The following MRPL48 variants were observed in gnomAD, a reference collection of about 807,000 sequenced individuals.
MRPL48 encodes the protein mitochondrial ribosomal protein L48, also known as large ribosomal subunit protein mL48.
A neutral mutation model predicts 32.9 loss-of-function variants in MRPL48; 16 were observed. The observed-to-expected ratio is 0.49, with a 90% CI of 0.33 to 0.74. The LOEUF (loss-of-function observed/expected upper bound fraction) is 0.74. Ranked by LOEUF, MRPL48 falls within the 30% of genes least tolerant of loss-of-function variation. The pLI, the probability that MRPL48 is intolerant of heterozygous loss-of-function variation, is 0.02. For missense variants in MRPL48, 206 were observed against 245.3 expected, an observed-to-expected ratio of 0.84 and a Z score of 1.07; for synonymous variants, 94 against 89.2, an observed-to-expected ratio of 1.05 and a Z score of -0.31.
At chr11:73,858,877 T>C (rs1195116692) in intron 5 of MRPL48, among the ~76,000 whole-genome samples, 1 of 152,200 alleles carries the variant, frequency 6.6e-6, no homozygotes, top group Non-Finnish European at 1.5e-5. Flanking sequence ...TAAGTAAATA[T>C]TGCTAATAAG....
At chr11:73,807,019 AC>A (rs1245113945) in intron 2 of MRPL48, among the ~76,000 whole-genome samples, 2 of 151,910 alleles carry the variant, frequency 1.3e-5, no homozygotes, top group Non-Finnish European at 2.9e-5. Context: ...ACAGGCGCCC[AC>A]CACCATGTCT....
intron 5 of MRPL48, among the ~76,000 whole-genome samples, chr11:73,849,975 C>A (rs1948360640): frequency 6.6e-6 from 1 of 152,052 alleles, no homozygotes; most frequent in African/African-American, 2.4e-5. Flanking sequence ...TGGCGTGCGC[C>A]TGTAGTCCCT....
intron 3 of MRPL48, among the ~76,000 whole-genome samples, chr11:73,810,511 A>C (rs1947545933): frequency 1.3e-5 from 2 of 152,054 alleles, no homozygotes. Flanking sequence ...ACAAGAGCGA[A>C]ACTCTGACTC....
intron 4 of MRPL48, among the ~76,000 whole-genome samples, chr11:73,843,537 T>C (rs1207233384): frequency 1.3e-5 from 2 of 152,202 alleles, no homozygotes; most frequent in African/African-American, 4.8e-5. Flanking sequence ...ATTTTAACTT[T>C]TTACAGCAGC....
intron 3 of MRPL48, among the ~76,000 whole-genome samples, chr11:73,809,454 A>C (rs1947528837): frequency 6.6e-6 from 1 of 151,282 alleles, no homozygotes; most frequent in Non-Finnish European, 1.5e-5. Context: ...CAGTAAGCCG[A>C]GATCATACCA....
At chr11:73,788,087 C>T in intron 1 of MRPL48, 95 bp downstream of exon 1, 1 of 1,311,636 alleles carries the variant, frequency 7.6e-7, no homozygotes, top group South Asian at 1.3e-5. Flanking sequence ...GGTGGCGGCG[C>T]GCGGACATCC....
At chr11:73,864,266 T>C in intron 7 of MRPL48, 30 bp from the exon 8 acceptor site, 1 of 1,603,214 alleles carries the variant, frequency 6.2e-7, no homozygotes, top group Non-Finnish European at 8.5e-7. Context: ...CTGCAGTAAT[T>C]ACCGCTTATT....
chr11:73,830,861 C>CT (rs35570574), intron 4 of MRPL48, among the ~76,000 whole-genome samples: 250 of 148,786 alleles, frequency 1.7e-3, no homozygotes, highest in Non-Finnish European at 2.9e-3. Context: ...TTCTTTCTTT[C>CT]TTTTTTTTTT....
chr11:73,850,270 A>C (rs1044244117), intron 5 of MRPL48, among the ~76,000 whole-genome samples: 2 of 152,192 alleles, frequency 1.3e-5, no homozygotes, highest in African/African-American at 4.8e-5. Flanking sequence ...TCAATATAAA[A>C]TAGCAGTTGA....
intron 5 of MRPL48, among the ~76,000 whole-genome samples, chr11:73,847,944 T>C (rs547527989): frequency 6.6e-6 from 1 of 152,308 alleles, no homozygotes; most frequent in South Asian, 2.1e-4. Flanking sequence ...TATCTTGTTG[T>C]CCTCTTAACA....
At chr11:73,829,762 A>ATTGTTT (rs945905180) in intron 4 of MRPL48, among the ~76,000 whole-genome samples, 1 of 151,080 alleles carries the variant, frequency 6.6e-6, no homozygotes, top group Non-Finnish European at 1.5e-5. Context: ...GAGTGTTTTT[A>ATTGTTT]TTGTTTTTGT....
At chr11:73,862,283 G>A (rs1166772266) in intron 6 of MRPL48, among the ~76,000 whole-genome samples, 3 of 152,074 alleles carry the variant, frequency 2.0e-5, no homozygotes, top group African/African-American at 4.8e-5. Context: ...TTAGCCAGGC[G>A]TGGTGGCGCA....
rs570372470 is a variant in MRPL48, at chr11:73,798,081, A to T, written c.22-6946A>T. Among the ~76,000 whole-genome samples the T allele has an allele frequency of 2.0e-5, 3 of 151,958 alleles. No individual in the cohort carries two copies. In the East Asian group the frequency reaches 5.8e-4, roughly 29 times the overall value. ...TAAAGGAAAGACTGGAAACAAAAAC[A>T]ATTTTTTTTTTCTTTTTTGAGACAG... On this transcript the variant is annotated intron_variant, in intron 1 of 7. Coordinates refer to ENST00000310614, the MANE Select transcript of MRPL48 (RefSeq NM_016055.6).
intron 4 of MRPL48, among the ~76,000 whole-genome samples, chr11:73,833,311 A>G (rs1264872146): frequency 6.6e-6 from 1 of 151,852 alleles, no homozygotes; most frequent in Non-Finnish European, 1.5e-5. Context: ...TGAAGACCTG[A>G]CTGCCTGTGC....
chr11:73,808,219 A>G (rs1242290677), intron 2 of MRPL48, 94 bp from the exon 3 acceptor site: 3 of 1,213,382 alleles, frequency 2.5e-6, no homozygotes, highest in Non-Finnish European at 3.5e-6. Context: ...AACAGCATTG[A>G]TGCATCTTTA....
intron 5 of MRPL48, chr11:73,851,244 G>C (rs1193044275): frequency 1.1e-5 from 4 of 370,090 alleles, no homozygotes; most frequent in African/African-American, 8.6e-5. Flanking sequence ...TTACTCATTA[G>C]ATATTAGTAT....
rs141345303 is a variant in MRPL48 at position 73,806,445 on chromosome 11, G to A, written c.74+1366G>A. 3.2e-4 allele frequency among the ~76,000 whole-genome samples: 49 copies of A among 152,098 alleles called. 3 individuals are homozygous for A. The East Asian group carries it at 9.3e-3, about 29-fold the overall frequency. ...TGTCCAAATGTCATCCCATCCAAGAGGCCTTCCCTGACTACTCTATGTAAA... is the reference window on the plus strand; with the variant it reads ...TGTCCAAATGTCATCCCATCCAAGAAGCCTTCCCTGACTACTCTATGTAAA... On this transcript the variant is annotated intron_variant, in intron 2 of 7. Transcript: ENST00000310614.
chr11:73,820,101 TAAG>T (rs1269275539), intron 3 of MRPL48, among the ~76,000 whole-genome samples: 1 of 152,180 alleles, frequency 6.6e-6, no homozygotes, highest in East Asian at 1.9e-4. Flanking sequence ...TTCCTTCACA[TAAG>T]AACCAAAATG....
chr11:73,839,961 T>C (rs1948160736), intron 4 of MRPL48, among the ~76,000 whole-genome samples: 1 of 151,346 alleles, frequency 6.6e-6, no homozygotes, highest in Non-Finnish European at 1.5e-5. Context: ...GAGCCAGGCA[T>C]GATAATGTGC....
Sources: allele counts gnomAD v4.1 joint callset (sites outside exome capture counted in the v4.1 genomes callset), GRCh38; gene constraint gnomAD v4.1.1; transcripts MANE v1.5; gene names NCBI Gene and HGNC (gene_info 2026-07-23, HGNC 2026-07-21).